TBXA2R: variants seen among roughly 807,000 people sequenced by gnomAD.
TBXA2R encodes the protein prostanoid TP receptor.
In TBXA2R, 15 loss-of-function variants were observed where a neutral mutation model predicts 15.6. The ratio of observed to expected loss-of-function variants is 0.96; its 90% CI spans 0.64 to 1.48. TBXA2R has a LOEUF of 1.48. TBXA2R is among the 40% of genes most tolerant of loss of function. The pLI is 0.00. For synonymous variants in TBXA2R, 280 were observed against 241.2 expected (o/e 1.16, Z -1.49); for missense variants, 506 against 491.4 (o/e 1.03, Z -0.28).
Position 3,595,773 on chromosome 19 carries a change from AGCACG to A in TBXA2R, c.942_946del (p.Val315ProfsTer74). Reference sequence around the variant, plus strand: ...GCTGAGGCGAGGCTGGAGACGCCGGAGCACGGCGCGGCGGAACAGGATATACACCC... The same window carrying A: ...GCTGAGGCGAGGCTGGAGACGCCGGAGCGCGGCGGAACAGGATATACACCC... On this transcript the variant is annotated frameshift_variant, in exon 3 of 3. Coordinates refer to ENST00000375190, the MANE Select transcript of TBXA2R (RefSeq NM_001060.6). LOFTEE classifies it low-confidence loss of function (END_TRUNC). 1.2e-6 allele frequency: 2 copies of A among 1,609,756 alleles called. No individual in the cohort carries two copies. The highest frequency in any genetic ancestry group is 1.7e-6 in the Non-Finnish European group (2 of 1,178,614).
rs547397862 is a variant in TBXA2R, at chr19:3,606,022, G to A, written c.-84+508C>T. Among the ~76,000 whole-genome samples, 54 of 152,052 alleles carry A rather than the reference G, an allele frequency of 3.6e-4. 1 individual carries two copies. Among genetic ancestry groups the A allele is most frequent in the Non-Finnish European group, 6.5e-4 (44 of 68,018 alleles). On this transcript the variant is annotated intron_variant, in intron 1 of 2. Transcript: ENST00000375190. ...ACATAGATACAGACAGACACAGAAA[G>A]ACACACAGAAGAACACACAGTATTT...
At chr19:3,596,152 C>A (rs772899007) in intron 2 of TBXA2R, among the ~76,000 whole-genome samples, 1 of 152,220 alleles carries the variant, frequency 6.6e-6, no homozygotes, top group Non-Finnish European at 1.5e-5. Flanking sequence ...CCTCAGCCTT[C>A]CAAGTAGCTG....
Position 3,599,995 on chromosome 19 carries a change from G to T in TBXA2R, c.640C>A (p.Leu214Met). The T allele has an allele frequency of 6.2e-7, 1 of 1,609,032 alleles. No individual in the cohort carries two copies. Among genetic ancestry groups the T allele is most frequent in the African/African-American group, 1.3e-5 (1 of 74,982 alleles). The change falls in exon 2 of 3, where the codon CTG (leucine) becomes ATG (methionine). Residue 214 changes from leucine (L) to methionine (M), a missense_variant. By Grantham distance (15) the Leu-to-Met change is conservative. Transcript: ENST00000375190. ...AGGGTGGCCACGCTGACCGTGTTCAGCAGGAAGGACAGCCCGACCGAGAGG... is the reference window on the plus strand; with the variant it reads ...AGGGTGGCCACGCTGACCGTGTTCATCAGGAAGGACAGCCCGACCGAGAGG... ...GGLSVGLSFLLNTVSVATLCH... is the reference protein window; with the variant it reads ...GGLSVGLSFLMNTVSVATLCH...
intron 1 of TBXA2R, among the ~76,000 whole-genome samples, chr19:3,601,335 C>T (rs1378953711): frequency 6.7e-6 from 1 of 150,090 alleles, no homozygotes; most frequent in Non-Finnish European, 1.5e-5. Flanking sequence ...TCAAGACCAT[C>T]CTGGCCAACA....
chr19:3,598,648 G>A (rs558049066), intron 2 of TBXA2R, among the ~76,000 whole-genome samples: 1 of 149,574 alleles, frequency 6.7e-6, no homozygotes, highest in African/African-American at 2.5e-5. Flanking sequence ...CACCGTGGCT[G>A]GCCTGTTTTT....
In TBXA2R at chr19:3,595,774, G is replaced by T. The variant is rs1252745977; in HGVS notation, c.946C>A (p.Leu316Ile). The T allele has an allele frequency of 6.2e-7, 1 of 1,609,476 alleles. No homozygotes were observed. Among genetic ancestry groups the T allele is most frequent in the Non-Finnish European group, 8.5e-7 (1 of 1,178,536 alleles). ...WVYILFRRAV[L>I]RRLQPRLSTR... The stretch of plus-strand genomic sequence containing the variant: ...CTGAGGCGAGGCTGGAGACGCCGGA[G>T]CACGGCGCGGCGGAACAGGATATAC... The change falls in exon 3 of 3, where the codon CTC (leucine) becomes ATC (isoleucine). Residue 316 changes from leucine (L) to isoleucine (I), a missense_variant. By Grantham distance (5) the Leu-to-Ile change is conservative (BLOSUM62 2). Transcript: ENST00000375190.
intron 1 of TBXA2R, among the ~76,000 whole-genome samples, chr19:3,604,804 C>T (rs976602537): frequency 2.0e-5 from 3 of 152,210 alleles, no homozygotes; most frequent in Non-Finnish European, 4.4e-5. Flanking sequence ...CTACAAGGTG[C>T]CCGGGCAGCC....
At chr19:3,598,389 C>T (rs1289373807) in intron 2 of TBXA2R, among the ~76,000 whole-genome samples, 1 of 122,856 alleles carries the variant, frequency 8.1e-6, no homozygotes, top group African/African-American at 3.2e-5. Context: ...CTTGCTCTGT[C>T]ACCCAGGCTG....
In TBXA2R at chr19:3,597,132, G is replaced by C. The variant is rs573348816; in HGVS notation, c.787-1199C>G. ...TTTTTTTGTATTTTTAGTAGAGACG[G>C]GGTTTCTCCATGTTGGTCAGGCTAG... On this transcript the variant is annotated intron_variant, in intron 2 of 2. Transcript: ENST00000375190. Among the ~76,000 whole-genome samples the C allele has an allele frequency of 4.0e-5, 6 of 151,330 alleles. No homozygotes were observed. In the East Asian group the frequency reaches 1.2e-3, roughly 29 times the overall value.
In TBXA2R at chr19:3,595,078, T is replaced by TAAAAAA; in HGVS notation, c.*604_*609dup. On this transcript the variant is annotated 3_prime_UTR_variant, in exon 3 of 3. Transcript: ENST00000375190. ...CTGGGCCACAGAGTGAGACTCCGTC[T>TAAAAAA]AAAAAAAAAAAAAAAAATGGCCAGG... The TAAAAAA allele has an allele frequency of 4.2e-6, 2 of 477,236 alleles. No individual in the cohort carries two copies. Among genetic ancestry groups the TAAAAAA allele is most frequent in the Non-Finnish European group, 7.1e-6 (2 of 280,762 alleles). The allele number at this position is 477,236 out of a possible 1,614,324, so 29.6% of individuals were successfully genotyped here.
At position 3,596,001 on chromosome 19, in the gene TBXA2R, G is replaced by A. The variant is rs1013640324; in HGVS notation, c.787-68C>T. 2.1e-4 allele frequency: 327 copies of A among 1,538,894 alleles called. 1 individual carries two copies. In the East Asian group the frequency reaches 2.8e-3, roughly 13 times the overall value. On this transcript the variant is annotated intron_variant, in intron 2 of 2. Transcript: ENST00000375190. ...CCCGCCCGCCCCGGTCCCTGCCCGG[G>A]GTCCCTTGAGATCCAGGGTCCACTC...
At chr19:3,600,822 TC>T in intron 1 of TBXA2R, 105 bp from the exon 2 acceptor site, 1 of 501,498 alleles carries the variant, frequency 2.0e-6, no homozygotes, top group Non-Finnish European at 3.5e-6. Flanking sequence ...AAATATCCTC[TC>T]CGGTTTTTTT....
chr19:3,597,840 A>T (rs1388691447), intron 2 of TBXA2R: 1 of 152,042 alleles, frequency 6.6e-6, no homozygotes, highest in Non-Finnish European at 1.5e-5. Flanking sequence ...AGGCTGAGGC[A>T]GGTGAATCGC....
rs201349910 is a variant in TBXA2R at position 3,594,671 on chromosome 19, C to T, written c.*1017G>A. On this transcript the variant is annotated 3_prime_UTR_variant, in exon 3 of 3. Coordinates refer to ENST00000375190, the MANE Select transcript of TBXA2R (RefSeq NM_001060.6). ...TCAAGAAACAAGGTGGGGGAGGAACCGAATCCTCTATGTCCCTCCCCATCC... is the reference window on the plus strand; with the variant it reads ...TCAAGAAACAAGGTGGGGGAGGAACTGAATCCTCTATGTCCCTCCCCATCC... The T allele has an allele frequency of 8.2e-5, 47 of 570,248 alleles. No homozygotes were observed. Among genetic ancestry groups the T allele is most frequent in the African/African-American group, 8.1e-4 (43 of 53,134 alleles). 35.3% of individuals were successfully genotyped at this position (570,248 alleles called of 1,614,324 possible). A position where few individuals can be genotyped will look rare whatever the true frequency, so the allele number is the denominator to read the frequency against.
chr19:3,598,350 CTTTTT>C (rs1177792648), intron 2 of TBXA2R, among the ~76,000 whole-genome samples: 1 of 56,574 alleles, frequency 1.8e-5, no homozygotes, highest in Non-Finnish European at 4.2e-5. Flanking sequence ...CTTTTCTTTT[CTTTTT>C]TTTTTTTTTT....
rs34912214 is a variant in TBXA2R, at chr19:3,604,694, T to G, written c.-84+1836A>C. ...GCCTCAGTTTCCCCGCTCTGTGCAA[T>G]GGGGGTGAGCTTCTGATCTCCATGC... On this transcript the variant is annotated intron_variant, in intron 1 of 2. Transcript: ENST00000375190. Among the ~76,000 whole-genome samples, 218 of 152,198 alleles carry G rather than the reference T, an allele frequency of 1.4e-3. 2 individuals carry two copies. The highest frequency in any genetic ancestry group is 5.1e-3 in the African/African-American group (211 of 41,550).
In TBXA2R at chr19:3,600,191, G is replaced by A. The variant is rs1485199599; in HGVS notation, c.444C>T (p.Arg148=). ...FSRPAVASQR[R]AWATVGLVWA... ...ACACCAGCCCCACGGTGGCCCAGGCGCGGCGCTGCGAGGCGACCGCCGGGC... is the reference window on the plus strand; with the variant it reads ...ACACCAGCCCCACGGTGGCCCAGGCACGGCGCTGCGAGGCGACCGCCGGGC... The change falls in exon 2 of 3, where the codon CGC becomes CGT. Residue 148 remains arginine, a synonymous_variant. Transcript: ENST00000375190. 6.3e-7 allele frequency: 1 copy of A among 1,596,844 alleles called. No homozygotes were observed.
At chr19:3,597,522 T>G (rs2032626146) in intron 2 of TBXA2R, among the ~76,000 whole-genome samples, 2 of 152,120 alleles carry the variant, frequency 1.3e-5, no homozygotes, top group South Asian at 4.1e-4. Flanking sequence ...TCCCAGCTAC[T>G]CCGGAGGCTG....
rs1335816484 is a variant in TBXA2R, at chr19:3,594,859, T to A, written c.*829A>T. The stretch of plus-strand genomic sequence containing the variant: ...ATTCAATCCTTTCTGGACAGAGCCT[T>A]CCCTGTTGGAGGTTCAAAAGGAAGC... On this transcript the variant is annotated 3_prime_UTR_variant, in exon 3 of 3. Coordinates refer to ENST00000375190, the MANE Select transcript of TBXA2R (RefSeq NM_001060.6). 1.3e-6 allele frequency: 2 copies of A among 1,536,752 alleles called. No individual in the cohort carries two copies. The highest frequency in any genetic ancestry group is 2.7e-5 in the African/African-American group (2 of 73,056).
Sources: gnomAD v4.1 joint callset for allele counts (sites outside exome capture counted in the v4.1 genomes callset) on GRCh38, gnomAD v4.1.1 for gene constraint, MANE v1.5 for transcripts, NCBI Gene and HGNC (gene_info 2026-07-23, HGNC 2026-07-21) for gene names.